Variants in PLCB1 observed in about 807,000 individuals in gnomAD.
PLCB1 encodes the protein 1-phosphatidylinositol 4,5-bisphosphate phosphodiesterase beta-1.
A neutral mutation model predicts 161.8 loss-of-function variants in PLCB1; 46 were observed. That is an observed-to-expected ratio of 0.28 (90% CI 0.22 to 0.36). The LOEUF (loss-of-function observed/expected upper bound fraction) is 0.36, where lower values mean the gene tolerates loss of function less well. Ranked by LOEUF, PLCB1 falls within the 10% of genes least tolerant of loss-of-function variation. The pLI is 1.00. For missense variants in PLCB1, 1,016 were observed against 1,472.5 expected (o/e 0.69, Z 5.07); for synonymous variants, 517 against 503.7 (o/e 1.03, Z -0.35).
At chr20:8,195,667 C>T (rs1568586144) in intron 2 of PLCB1, among the ~76,000 whole-genome samples, 1 of 152,056 alleles carries the variant, frequency 6.6e-6, no homozygotes, top group Non-Finnish European at 1.5e-5. Flanking sequence ...ACTCAATTTT[C>T]CCACAGTGAA....
intron 3 of PLCB1, among the ~76,000 whole-genome samples, chr20:8,393,939 C>G (rs915833734): frequency 1.3e-5 from 2 of 152,026 alleles, no homozygotes; most frequent in Non-Finnish European, 2.9e-5. Flanking sequence ...AGGCCTTTTT[C>G]ATATATCTTG....
intron 2 of PLCB1, among the ~76,000 whole-genome samples, chr20:8,364,913 C>G (rs1474752644): frequency 1.3e-5 from 2 of 152,160 alleles, no homozygotes; most frequent in Non-Finnish European, 2.9e-5. Context: ...TATGAAGTAG[C>G]TATAGAGTTC....
intron 3 of PLCB1, among the ~76,000 whole-genome samples, chr20:8,516,704 T>C (rs1984140799): frequency 9.4e-6 from 1 of 106,572 alleles, no homozygotes; most frequent in African/African-American, 3.6e-5. Context: ...TATATATATA[T>C]ATATATGTAT....
intron 31 of PLCB1, among the ~76,000 whole-genome samples, chr20:8,854,396 C>T: frequency 6.6e-6 from 1 of 152,164 alleles, no homozygotes; most frequent in Non-Finnish European, 1.5e-5. Context: ...AGTAATATTT[C>T]TTCCAATAAC....
At chr20:8,864,948 T>C (rs1199430221) in intron 31 of PLCB1, among the ~76,000 whole-genome samples, 1 of 152,126 alleles carries the variant, frequency 6.6e-6, no homozygotes, top group Non-Finnish European at 1.5e-5. Flanking sequence ...GATGGGAAGA[T>C]GGAAGGAGAA....
At chr20:8,211,842 C>G (rs755973067) in intron 2 of PLCB1, among the ~76,000 whole-genome samples, 1 of 152,052 alleles carries the variant, frequency 6.6e-6, no homozygotes, top group Admixed American at 6.6e-5. Flanking sequence ...AGTTCATTAT[C>G]TATAAATCTT....
chr20:8,651,318 T>G, intron 7 of PLCB1: 1 of 652,894 alleles, frequency 1.5e-6, no homozygotes, highest in Non-Finnish European at 2.8e-6. Context: ...ATTATTGTTG[T>G]GAAGACTTTT....
chr20:8,141,019 A>T (rs1281300637), intron 1 of PLCB1, among the ~76,000 whole-genome samples: 7 of 152,058 alleles, frequency 4.6e-5, no homozygotes, highest in Admixed American at 4.6e-4. Context: ...GCTGGTCTCA[A>T]ACTCCTGATG....
At chr20:8,526,753 C>T (rs546099589) in intron 3 of PLCB1, among the ~76,000 whole-genome samples, 16 of 152,052 alleles carry the variant, frequency 1.1e-4, no homozygotes, top group Non-Finnish European at 2.2e-4. Context: ...AAAAATGGCC[C>T]GGATTAGCAG....
chr20:8,190,339 G>A (rs2051954967), intron 2 of PLCB1, among the ~76,000 whole-genome samples: 1 of 152,034 alleles, frequency 6.6e-6, no homozygotes, highest in South Asian at 2.1e-4. Flanking sequence ...GCTATTGAAA[G>A]TATTTAGAGT....
At chr20:8,324,402 A>G (rs2663000) in intron 2 of PLCB1, among the ~76,000 whole-genome samples, 1,819 of 152,330 alleles carry the variant, frequency 0.012, 36 homozygotes, top group African/African-American at 0.04. Context: ...TATAAACAAT[A>G]GGCTTTGTAT....
In PLCB1 at chr20:8,823,488, C is replaced by G. The variant is rs150848602; in HGVS notation, c.3423+33227C>G. 1.3e-3 allele frequency among the ~76,000 whole-genome samples: 204 copies of G among 152,298 alleles called. 1 individual carries two copies. Among genetic ancestry groups the G allele is most frequent in the African/African-American group, 4.7e-3 (196 of 41,564 alleles). On this transcript the variant is annotated intron_variant, in intron 31 of 31. Transcript: ENST00000338037. Reference sequence around the variant, plus strand: ...TTGTGCATCCGTGGATTTTGGCATCCAAAGAGGGTCCTGGAACCAATCCCC... The same window carrying G: ...TTGTGCATCCGTGGATTTTGGCATCGAAAGAGGGTCCTGGAACCAATCCCC...
chr20:8,329,781 A>G (rs1985296577), intron 2 of PLCB1, among the ~76,000 whole-genome samples: 1 of 152,128 alleles, frequency 6.6e-6, no homozygotes, highest in Admixed American at 6.6e-5. Flanking sequence ...GAGTCCACCT[A>G]TGCAATTCTC....
chr20:8,372,594 T>C (rs1345224233), intron 3 of PLCB1, among the ~76,000 whole-genome samples: 2 of 152,242 alleles, frequency 1.3e-5, no homozygotes, highest in East Asian at 1.9e-4. Flanking sequence ...TAATCTGTTA[T>C]TTACATTTAT....
chr20:8,309,422 T>C (rs1026069280), intron 2 of PLCB1, among the ~76,000 whole-genome samples: 1 of 152,224 alleles, frequency 6.6e-6, no homozygotes, highest in Non-Finnish European at 1.5e-5. Flanking sequence ...AGCATTCTTC[T>C]TGTTGTTGAA....
intron 31 of PLCB1, among the ~76,000 whole-genome samples, chr20:8,844,429 TG>T (rs1209380797): frequency 5.3e-5 from 8 of 152,130 alleles, no homozygotes. Flanking sequence ...CTTGAACGTG[TG>T]GGACAGGCCA....
At chr20:8,395,523 A>G (rs1000940958) in intron 3 of PLCB1, among the ~76,000 whole-genome samples, 7 of 152,122 alleles carry the variant, frequency 4.6e-5, no homozygotes, top group African/African-American at 1.2e-4. Context: ...GCTTTCAAAT[A>G]AATTATCTAT....
intron 3 of PLCB1, among the ~76,000 whole-genome samples, chr20:8,580,436 T>C (rs1018583087): frequency 2.0e-5 from 3 of 152,204 alleles, no homozygotes; most frequent in Non-Finnish European, 4.4e-5. Flanking sequence ...GTTTGCAGTG[T>C]TAACTTCTTG....
At chr20:8,514,537 G>T (rs1241475396) in intron 3 of PLCB1, among the ~76,000 whole-genome samples, 1 of 151,676 alleles carries the variant, frequency 6.6e-6, no homozygotes, top group Non-Finnish European at 1.5e-5. Context: ...AATTAGCAAG[G>T]CATGGTGGTG....
Sources: gnomAD v4.1 joint callset for allele counts (sites outside exome capture counted in the v4.1 genomes callset) on GRCh38, gnomAD v4.1.1 for gene constraint, MANE v1.5 for transcripts, NCBI Gene and HGNC (gene_info 2026-07-23, HGNC 2026-07-21) for gene names.